Variants in ADH6 observed in about 807,000 individuals in gnomAD.
ADH6 encodes alcohol dehydrogenase 6.
ADH6 carries 34 observed loss-of-function variants against 36.5 expected under a neutral mutation model. The observed-to-expected ratio is 0.93, with a 90% CI of 0.71 to 1.24. The LOEUF is 1.24. Ranked by LOEUF, ADH6 falls within the 50% of genes most tolerant of loss-of-function variation. The pLI is 0.00. For missense variants in ADH6, 440 were observed against 447.0 expected (o/e 0.98, Z 0.14); for synonymous variants, 161 against 155.5 (o/e 1.04, Z -0.26).
chr4:99,213,026 A>T (rs1221971218), intron 3 of ADH6, among the ~76,000 whole-genome samples: 1 of 151,814 alleles, frequency 6.6e-6, no homozygotes, highest in South Asian at 2.1e-4. Context: ...ATTTTATAGT[A>T]CTTCTATGGT....
chr4:99,212,319 G>C (rs1290778800), intron 3 of ADH6, among the ~76,000 whole-genome samples: 1 of 152,032 alleles, frequency 6.6e-6, no homozygotes, highest in Non-Finnish European at 1.5e-5. Flanking sequence ...TTGCCGATCT[G>C]CTAGGGAAAA....
chr4:99,208,862 A>G lies in ADH6; in HGVS notation c.634T>C (p.Cys212Arg). Reference sequence around the variant, plus strand: ...ATCCTGGCTGCTCCTGCTGCTTTACAACCCATGACAACAGACAAGCCGACT... The same window carrying G: ...ATCCTGGCTGCTCCTGCTGCTTTACGACCCATGACAACAGACAAGCCGACT... ...GGVGLSVVMG[C>R]KAAGAARIIG... Residue 212 changes from cysteine (C) to arginine (R), a missense_variant, in exon 6 of 9, where the codon TGT becomes CGT. By Grantham distance (180) the Cys-to-Arg change is radical. Coordinates refer to ENST00000394899, the MANE Select transcript of ADH6 (RefSeq NM_001102470.2). The G allele has an allele frequency of 1.2e-6, 2 of 1,613,780 alleles. No individual in the cohort carries two copies. Among genetic ancestry groups the G allele is most frequent in the Non-Finnish European group, 1.7e-6 (2 of 1,179,800 alleles).
intron 7 of ADH6, among the ~76,000 whole-genome samples, chr4:99,207,146 G>C (rs1284368409): frequency 6.6e-6 from 1 of 151,936 alleles, no homozygotes; most frequent in Non-Finnish European, 1.5e-5. Context: ...CTGAAGTGTA[G>C]TTATAGATTA....
intron 8 of ADH6, chr4:99,204,527 C>A: frequency 1.6e-6 from 2 of 1,255,096 alleles, no homozygotes; most frequent in Non-Finnish European, 1.0e-6. Context: ...ATTAGGAATC[C>A]TATGAATAAT....
At chr4:99,218,300 A>C (rs965079872) in intron 1 of ADH6, among the ~76,000 whole-genome samples, 1 of 152,198 alleles carries the variant, frequency 6.6e-6, no homozygotes, top group Non-Finnish European at 1.5e-5. Flanking sequence ...CCCAAGTAGA[A>C]ACCTGGGAAG....
chr4:99,204,375 A>G (rs1360556822), intron 8 of ADH6, 132 bp from the exon 9 acceptor site: 1 of 1,444,574 alleles, frequency 6.9e-7, no homozygotes, highest in Non-Finnish European at 9.0e-7. Context: ...TGAGAAGATT[A>G]AATAAGCCAT....
intron 3 of ADH6, among the ~76,000 whole-genome samples, chr4:99,212,758 T>G (rs1731269122): frequency 6.6e-6 from 1 of 151,958 alleles, no homozygotes; most frequent in Non-Finnish European, 1.5e-5. Context: ...TATATTTCTT[T>G]AAATTAGACA....
At chr4:99,217,900 A>G (rs534026296) in intron 1 of ADH6, among the ~76,000 whole-genome samples, 1 of 152,262 alleles carries the variant, frequency 6.6e-6, no homozygotes, top group South Asian at 2.1e-4. Flanking sequence ...GAATGGAGGC[A>G]ATCATCAAAT....
chr4:99,204,022 G>T lies in ADH6; in HGVS notation c.*197C>A. 3.5e-6 allele frequency: 2 copies of T among 563,928 alleles called. No individual in the cohort carries two copies. The highest frequency in any genetic ancestry group is 5.8e-6 in the Non-Finnish European group (2 of 342,028). 34.9% of individuals were successfully genotyped at this position (563,928 alleles called of 1,614,324 possible). A position where few individuals can be genotyped will look rare whatever the true frequency, so the allele number is the denominator to read the frequency against. On this transcript the variant is annotated 3_prime_UTR_variant, in exon 9 of 9. Coordinates refer to ENST00000394899, the MANE Select transcript of ADH6 (RefSeq NM_001102470.2). ...GCTCTGAAAAGGAGGCTGATCCTTG[G>T]TGACACTGGGTTACGTAAGAACAAT...
In ADH6 at chr4:99,203,877, T is replaced by G; in HGVS notation, c.*342A>C. The G allele has an allele frequency of 4.5e-6, 1 of 223,706 alleles. No homozygotes were observed. The highest frequency in any genetic ancestry group is 1.0e-4 in the East Asian group (1 of 10,030). 13.9% of individuals were successfully genotyped at this position (223,706 alleles called of 1,614,324 possible). ...CATGTCTAGGCCTGTGAGAGAGACA[T>G]ATAGTGTACAAGAATATAAAGGTCC... On this transcript the variant is annotated 3_prime_UTR_variant, in exon 9 of 9. Coordinates refer to ENST00000394899, the MANE Select transcript of ADH6 (RefSeq NM_001102470.2).
chr4:99,210,283 T>C lies in ADH6; in HGVS notation c.366A>G (p.Gln122=). ...ACCTGCTGGTACCATCAGACATCAG[T>C]TGGGTTTTTGACTGTCTTTTATAGA... ...FCIQFKQSKT[Q]LMSDGTSRFT... is the part of the protein sequence containing the mutation. Residue 122 remains glutamine, a synonymous_variant, in exon 5 of 9, where the codon CAA becomes CAG. Transcript: ENST00000394899. 1 of 1,613,720 alleles carries C rather than the reference T, an allele frequency of 6.2e-7. No homozygotes were observed. The highest frequency in any genetic ancestry group is 8.5e-7 in the Non-Finnish European group (1 of 1,179,772).
At chr4:99,207,718 C>T in intron 6 of ADH6, 137 bp from the exon 7 acceptor site, 2 of 947,392 alleles carry the variant, frequency 2.1e-6, no homozygotes, top group Non-Finnish European at 3.1e-6. Flanking sequence ...TTTGAAGTAA[C>T]ATTTATCTTG....
chr4:99,213,691 C>G lies in ADH6; in HGVS notation c.177G>C (p.Leu59Phe). 1 of 1,613,850 alleles carries G rather than the reference C, an allele frequency of 6.2e-7. No individual in the cohort carries two copies. The highest frequency in any genetic ancestry group is 8.5e-7 in the Non-Finnish European group (1 of 1,179,872). The change falls in exon 3 of 9, where the codon TTG becomes TTC. Residue 59 changes from leucine (L) to phenylalanine (F), a missense_variant. By Grantham distance (22) the Leu-to-Phe change is conservative. Transcript: ENST00000394899. ...CCAAGATGGTGGGATACAAGAGGTC[C>G]AAGTGTTTACTCCCCAACACTTTCA... ...TEMKVLGSKH[L>F]DLLYPTILGH...
Position 99,213,689 on chromosome 4 carries a change from T to A in ADH6, c.179A>T (p.Asp60Val). 1 of 1,613,798 alleles carries A rather than the reference T, an allele frequency of 6.2e-7. No individual in the cohort carries two copies. The highest frequency in any genetic ancestry group is 8.5e-7 in the Non-Finnish European group (1 of 1,179,884). ...EMKVLGSKHL[D>V]LLYPTILGHE... ...GCCCAAGATGGTGGGATACAAGAGG[T>A]CCAAGTGTTTACTCCCCAACACTTT... Residue 60 changes from aspartate to valine, a missense_variant, in exon 3 of 9, where the codon GAC becomes GTC. By Grantham distance (152) the Asp-to-Val change is radical. Transcript: ENST00000394899.
At chr4:99,218,716 T>C (rs1215272603) in intron 1 of ADH6, among the ~76,000 whole-genome samples, 4 of 152,226 alleles carry the variant, frequency 2.6e-5, no homozygotes, top group Non-Finnish European at 5.9e-5. Context: ...CTTTACCTGG[T>C]GAATTCATAT....
intron 2 of ADH6, 139 bp from the exon 3 acceptor site, chr4:99,213,886 G>A (rs192122297): frequency 4.4e-6 from 3 of 683,440 alleles, no homozygotes; most frequent in Non-Finnish European, 6.5e-6. Flanking sequence ...TTTAATTCTA[G>A]GGAAGGGTCA....
In ADH6 at chr4:99,210,307, G is replaced by C; in HGVS notation, c.351-9C>G. The stretch of plus-strand genomic sequence containing the variant: ...GTTGGGTTTTTGACTGTCTTTTATA[G>C]ACAAAACAAAAAACAAAACACAAAG... On this transcript the variant is annotated splice_polypyrimidine_tract_variant and intron_variant, in intron 4 of 8. Transcript: ENST00000394899. The C allele has an allele frequency of 6.2e-7, 1 of 1,609,958 alleles. No individual in the cohort carries two copies. The highest frequency in any genetic ancestry group is 8.5e-7 in the Non-Finnish European group (1 of 1,177,006).
rs1731426584 is a variant in ADH6, at chr4:99,216,326, A to G, written c.19-64T>C. On this transcript the variant is annotated intron_variant, in intron 1 of 8. Coordinates refer to ENST00000394899, the MANE Select transcript of ADH6 (RefSeq NM_001102470.2). ...TAAGCTTGGGAGTTGGAAGATTGCT[A>G]TATTAGTGATTATAGAATCATTAAA... The G allele has an allele frequency of 6.1e-6, 6 of 983,568 alleles. 1 individual carries two copies. The South Asian group carries it at 7.6e-5, about 12-fold the overall frequency. The allele number at this position is 983,568 out of a possible 1,614,324, so 60.9% of individuals were successfully genotyped here.
Position 99,204,930 on chromosome 4 carries a change from T to C in ADH6, c.1098A>G (p.Gly366=). 1 of 1,606,908 alleles carries C rather than the reference T, an allele frequency of 6.2e-7. No homozygotes were observed. The highest frequency in any genetic ancestry group is 8.5e-7 in the Non-Finnish European group (1 of 1,176,946). The part of the protein sequence containing the change: ...INEAVELMKT[G]KCIRCILLL ...AATTTATGTGGGCAGTTTACCATTTTCCAGTTTTCATTAATTCAACTGCTT... is the reference window on the plus strand; with the variant it reads ...AATTTATGTGGGCAGTTTACCATTTCCCAGTTTTCATTAATTCAACTGCTT... Residue 366 remains glycine, a synonymous_variant, in exon 8 of 9, where the codon GGA becomes GGG. Transcript: ENST00000394899.
Sources: gnomAD v4.1 joint callset for allele counts (sites outside exome capture counted in the v4.1 genomes callset) on GRCh38, gnomAD v4.1.1 for gene constraint, MANE v1.5 for transcripts, NCBI Gene and HGNC (gene_info 2026-07-23, HGNC 2026-07-21) for gene names.